The following ZRANB1 variants were observed in gnomAD, a reference collection of about 807,000 sequenced individuals.
ZRANB1 encodes ubiquitin thioesterase ZRANB1.
Under a neutral mutation model 80.5 loss-of-function variants are expected in ZRANB1, and 16 were observed. The observed-to-expected ratio is 0.20, with a 90% CI of 0.13 to 0.30. The LOEUF (loss-of-function observed/expected upper bound fraction) is 0.30, where lower values mean the gene tolerates loss of function less well. Among genes scored for constraint, ZRANB1 ranks in the 10% least tolerant of loss-of-function variants. The probability of loss-of-function intolerance (pLI) is 1.00; values close to 1 mark genes in which losing one functional copy is unlikely to be tolerated. For synonymous variants in ZRANB1, 291 were observed against 293.1 expected (o/e 0.99, Z 0.07); for missense variants, 576 against 862.6 (o/e 0.67, Z 4.16).
In ZRANB1 at chr10:124,983,105, A is replaced by C; in HGVS notation, c.1549-70A>C. 2 of 1,509,960 alleles carry C rather than the reference A, an allele frequency of 1.3e-6. No individual in the cohort carries two copies. Among genetic ancestry groups the C allele is most frequent in the Non-Finnish European group, 1.8e-6 (2 of 1,123,590 alleles). 93.5% of individuals were successfully genotyped at this position (1,509,960 alleles called of 1,614,324 possible). A position where few individuals can be genotyped will look rare whatever the true frequency, so the allele number is the denominator to read the frequency against. Reference sequence around the variant, plus strand: ...GATAGTATACTGAAGGGGAGGTAGTATTGTTTTTTACACATCAGTTTTCCA... The same window carrying C: ...GATAGTATACTGAAGGGGAGGTAGTCTTGTTTTTTACACATCAGTTTTCCA... On this transcript the variant is annotated intron_variant, in intron 6 of 8. Transcript: ENST00000359653. This position sits in a 1 kb window ranked among gnomAD's most constrained non-coding sequence, Gnocchi z 6.2.
the ZRANB1 span, among the ~76,000 whole-genome samples, chr10:124,924,839 T>A: frequency 6.6e-6 from 1 of 152,150 alleles, no homozygotes; most frequent in Non-Finnish European, 1.5e-5. Flanking sequence ...AATTGCTGGG[T>A]CATGTGCTAA....
rs1952002013 is a variant in ZRANB1 at position 124,985,010 on chromosome 10, C to T, written c.*18C>T. The T allele has an allele frequency of 1.3e-6, 2 of 1,570,538 alleles. No homozygotes were observed. The highest frequency in any genetic ancestry group is 8.7e-7 in the Non-Finnish European group (1 of 1,149,416). On this transcript the variant is annotated 3_prime_UTR_variant, in exon 9 of 9. Coordinates refer to ENST00000359653, the MANE Select transcript of ZRANB1 (RefSeq NM_017580.3). ...ATGAATGAAAAAAAAAATCAAACAG[C>T]AGAAGACCAAGGCATCAGATCTGTA...
chr10:124,949,447 ATG>A (rs1233404458), intron 1 of ZRANB1, among the ~76,000 whole-genome samples: 1 of 77,860 alleles, frequency 1.3e-5, no homozygotes, highest in Non-Finnish European at 3.2e-5. Context: ...TTACACACAT[ATG>A]TATATATATA....
chr10:124,964,815 GGTC>G (rs1291533864), intron 1 of ZRANB1, among the ~76,000 whole-genome samples: 1 of 152,214 alleles, frequency 6.6e-6, no homozygotes, highest in Non-Finnish European at 1.5e-5. Flanking sequence ...TGAAGGGAAA[GGTC>G]GTTGCCTTCA....
the ZRANB1 span, among the ~76,000 whole-genome samples, chr10:124,920,651 C>CA: frequency 6.9e-3 from 1,053 of 151,904 alleles, 16 homozygotes; most frequent in African/African-American, 0.024. Flanking sequence ...TTCATGGAGA[C>CA]AATGTTCTGG....
rs766215529 is a variant in ZRANB1, at chr10:124,983,343, A to C, written c.1678+39A>C. The C allele has an allele frequency of 1.2e-6, 2 of 1,609,932 alleles. No homozygotes were observed. The highest frequency in any genetic ancestry group is 1.7e-6 in the Non-Finnish European group (2 of 1,177,694). On this transcript the variant is annotated intron_variant, in intron 7 of 8. Coordinates refer to ENST00000359653, the MANE Select transcript of ZRANB1 (RefSeq NM_017580.3). This position sits in a 1 kb window ranked among gnomAD's most constrained non-coding sequence, Gnocchi z 6.2. ...CAGGAACGTTTTACAAGTTTCTTTG[A>C]ACGGAATGGCTCAGATGTCAGGAAG...
At chr10:124,969,799 TC>T (rs1951806577) in intron 2 of ZRANB1, among the ~76,000 whole-genome samples, 1 of 152,188 alleles carries the variant, frequency 6.6e-6, no homozygotes, top group African/African-American at 2.4e-5. Context: ...ATTCCCAAGA[TC>T]ATGGACCCTA....
chr10:124,936,194 A>G, the ZRANB1 span, among the ~76,000 whole-genome samples: 2 of 152,114 alleles, frequency 1.3e-5, no homozygotes, highest in Non-Finnish European at 2.9e-5. Flanking sequence ...TGTGACAGGA[A>G]GGAGTTGAGA....
chr10:124,935,760 C>G, the ZRANB1 span, among the ~76,000 whole-genome samples: 1 of 152,212 alleles, frequency 6.6e-6, no homozygotes, highest in Non-Finnish European at 1.5e-5. Context: ...ATGGCCTCTT[C>G]TTGGGTTTTA....
At chr10:124,929,905 A>G in the ZRANB1 span, among the ~76,000 whole-genome samples, 20 of 148,038 alleles carry the variant, frequency 1.4e-4, no homozygotes, top group African/African-American at 4.7e-4. Context: ...GAGATCTGCC[A>G]TCGCACTCCA....
intron 5 of ZRANB1, among the ~76,000 whole-genome samples, chr10:124,976,278 A>G (rs932260013): frequency 6.6e-6 from 1 of 152,154 alleles, no homozygotes; most frequent in Non-Finnish European, 1.5e-5. Context: ...CCTCTTGATC[A>G]GATCCTGTGG....
chr10:124,955,634 A>G (rs1338328470), intron 1 of ZRANB1, among the ~76,000 whole-genome samples: 1 of 152,172 alleles, frequency 6.6e-6, no homozygotes, highest in African/African-American at 2.4e-5. Flanking sequence ...TAGTTCATAT[A>G]GGTAATAGAG....
intron 3 of ZRANB1, 22 bp from the exon 4 acceptor site, chr10:124,973,623 T>G (rs1367096178): frequency 6.3e-7 from 1 of 1,598,776 alleles, no homozygotes; most frequent in South Asian, 1.1e-5. Context: ...AAAGATCTTT[T>G]AAGTTTGCAT....
chr10:124,943,363 A>G, intron 1 of ZRANB1, 56 bp downstream of exon 1: 1 of 1,517,032 alleles, frequency 6.6e-7, no homozygotes, highest in Non-Finnish European at 8.9e-7. Flanking sequence ...AGTAAAAATG[A>G]TATGAAAAGA....
At chr10:124,972,413 T>G (rs1951835321) in intron 3 of ZRANB1, among the ~76,000 whole-genome samples, 1 of 152,230 alleles carries the variant, frequency 6.6e-6, no homozygotes, top group African/African-American at 2.4e-5. Flanking sequence ...TGGTTTTATT[T>G]TAGAATATCC....
intron 1 of ZRANB1, among the ~76,000 whole-genome samples, chr10:124,965,326 G>A (rs1259547732): frequency 1.3e-5 from 2 of 152,168 alleles, no homozygotes; most frequent in African/African-American, 4.8e-5. Flanking sequence ...GTCTGTGTTC[G>A]GGGCAGGGGG....
chr10:124,939,359 T>G (rs1951515264), upstream of ZRANB1, among the ~76,000 whole-genome samples: 1 of 152,108 alleles, frequency 6.6e-6, no homozygotes, highest in Admixed American at 6.5e-5. Flanking sequence ...ATCTCAAAAC[T>G]CTTGAGCTTG....
intron 1 of ZRANB1, chr10:124,945,445 T>G (rs888220530): frequency 7.0e-6 from 1 of 142,888 alleles, no homozygotes; most frequent in African/African-American, 2.8e-5. Context: ...CAGGGAGTAG[T>G]GTACTATGAA....
At chr10:124,932,842 C>A in the ZRANB1 span, among the ~76,000 whole-genome samples, 1,060 of 152,148 alleles carry the variant, frequency 7.0e-3, 16 homozygotes, top group African/African-American at 0.024. Context: ...GGATTATAGG[C>A]GCGAGCCACC....
Sources: gnomAD v4.1 joint callset for allele counts (sites outside exome capture counted in the v4.1 genomes callset) on GRCh38, gnomAD v4.1.1 for gene constraint, Gnocchi (gnomAD v3.1) non-coding constraint, MANE v1.5 for transcripts, NCBI Gene and HGNC (gene_info 2026-07-23, HGNC 2026-07-21) for gene names.